The following ZC4H2 variants were observed in gnomAD, a reference collection of about 807,000 sequenced individuals.
ZC4H2 encodes the protein zinc finger C4H2 domain-containing protein.
For synonymous variants in ZC4H2, 84 were observed against 66.3 expected, an observed-to-expected ratio of 1.27 and a Z score of -1.30; for missense variants, 137 against 173.9, an observed-to-expected ratio of 0.79 and a Z score of 1.19.
intron 1 of ZC4H2, among the ~76,000 whole-genome samples, chrX:64,994,029 TA>T (rs1227339159): frequency 8.9e-6 from 1 of 112,209 alleles, no homozygotes; most frequent in Admixed American, 9.4e-5. Flanking sequence ...AAAAGGTCTA[TA>T]TCAGAATTTT....
At chrX:64,939,357 T>C (rs762958532) in intron 1 of ZC4H2, among the ~76,000 whole-genome samples, 1 of 111,912 alleles carries the variant, frequency 8.9e-6, no homozygotes, top group South Asian at 3.7e-4. Flanking sequence ...AAAATTGCCA[T>C]ACTGCCCAAA....
intron 1 of ZC4H2, among the ~76,000 whole-genome samples, chrX:64,923,562 G>A (rs756356258): frequency 2.7e-5 from 3 of 110,414 alleles, no homozygotes; most frequent in Non-Finnish European, 5.7e-5. Flanking sequence ...CATTGCCTGT[G>A]CCTCTTGCCT....
At chrX:64,975,740 C>G (rs1298702015) in intron 1 of ZC4H2, among the ~76,000 whole-genome samples, 6 of 111,459 alleles carry the variant, frequency 5.4e-5, no homozygotes, top group African/African-American at 2.0e-4. Context: ...GACCGCGTCC[C>G]CAGTCCCCAT....
chrX:64,984,610 C>G (rs1932143945), intron 1 of ZC4H2, among the ~76,000 whole-genome samples: 2 of 111,197 alleles, frequency 1.8e-5, no homozygotes, highest in African/African-American at 6.6e-5. Flanking sequence ...CCTCAGACAC[C>G]AATCTTAGGT....
intron 1 of ZC4H2, among the ~76,000 whole-genome samples, chrX:65,032,734 T>TTCCTTCC (rs1932948875): frequency 4.6e-5 from 4 of 86,789 alleles, no homozygotes; most frequent in African/African-American, 1.8e-4. Context: ...TTCTTCTTTC[T>TTCCTTCC]TTCCTTCCTT....
chrX:64,935,793 C>T (rs1391813398), intron 1 of ZC4H2, among the ~76,000 whole-genome samples: 1 of 111,228 alleles, frequency 9.0e-6, no homozygotes, highest in Non-Finnish European at 1.9e-5. Context: ...TCAGAGACCC[C>T]ATTCTAAGGT....
chrX:64,945,687 C>G (rs1930495314), intron 1 of ZC4H2, among the ~76,000 whole-genome samples: 1 of 111,561 alleles, frequency 9.0e-6, no homozygotes, highest in South Asian at 3.8e-4. Context: ...CCACAGCCAC[C>G]CCTTCTCCCA....
chrX:64,977,758 C>T (rs1931992223), upstream of ZC4H2, among the ~76,000 whole-genome samples: 1 of 111,882 alleles, frequency 8.9e-6, no homozygotes, highest in Non-Finnish European at 1.9e-5. Flanking sequence ...GCCTCAGCCT[C>T]CCAAAAGTGC....
chrX:64,929,094 T>C (rs1429164832), intron 1 of ZC4H2, among the ~76,000 whole-genome samples: 1 of 110,619 alleles, frequency 9.0e-6, no homozygotes, highest in African/African-American at 3.3e-5. Context: ...GATTTCGCCA[T>C]ACTGGCCAGG....
intron 1 of ZC4H2, among the ~76,000 whole-genome samples, chrX:64,949,628 G>T (rs1252752916): frequency 9.0e-6 from 1 of 111,579 alleles, no homozygotes; most frequent in Non-Finnish European, 1.9e-5. Context: ...TTTAGTGAAT[G>T]ATATTAATAT....
chrX:64,959,689 G>T (rs749374153), intron 1 of ZC4H2, among the ~76,000 whole-genome samples: 17 of 109,024 alleles, frequency 1.6e-4, no homozygotes, highest in African/African-American at 5.7e-4. Flanking sequence ...GACAGTACAT[G>T]TTGGCAACCA....
At chrX:65,018,398 G>A (rs1932811536) in intron 1 of ZC4H2, among the ~76,000 whole-genome samples, 1 of 112,114 alleles carries the variant, frequency 8.9e-6, no homozygotes, top group African/African-American at 3.2e-5. Context: ...AGCAGAGTGG[G>A]GTGTTGCCTC....
chrX:64,957,491 A>G (rs1318924858), intron 1 of ZC4H2, among the ~76,000 whole-genome samples: 1 of 112,108 alleles, frequency 8.9e-6, no homozygotes, highest in African/African-American at 3.2e-5. Context: ...ATTTCTTTAT[A>G]TCCTTATTTC....
At position 64,986,806 on chromosome X, in the gene ZC4H2, G is replaced by A. The variant is rs139659780; in HGVS notation, c.-272+47823C>T. On this transcript the variant is annotated intron_variant, in intron 1 of 4. Coordinates refer to the ZC4H2 transcript ENST00000337990. The stretch of plus-strand genomic sequence containing the variant: ...TTGGGGCATAAAGAACAAGGCAGGA[G>A]CCTAATGATAAAGACTGGGACAAAA... Among the ~76,000 whole-genome samples, 604 of 111,094 alleles carry A rather than the reference G, an allele frequency of 5.4e-3. 3 individuals carry two copies. The highest frequency in any genetic ancestry group is 7.9e-3 in the Non-Finnish European group (417 of 53,061).
chrX:64,923,339 A>G (rs1228054421), intron 1 of ZC4H2, among the ~76,000 whole-genome samples: 1 of 111,395 alleles, frequency 9.0e-6, no homozygotes, highest in Admixed American at 9.6e-5. Context: ...GGTACCCTCT[A>G]AGGCATGTTG....
At chrX:64,960,891 TGTTCTGTGTACA>T (rs916534478) in intron 1 of ZC4H2, among the ~76,000 whole-genome samples, 8 of 111,972 alleles carry the variant, frequency 7.1e-5, no homozygotes, top group Non-Finnish European at 1.1e-4. Flanking sequence ...TCCTGGAGAA[TGTTCTGTGTACA>T]GTTAGGAAGA....
chrX:64,946,685 G>C (rs1480828556), intron 1 of ZC4H2, among the ~76,000 whole-genome samples: 1 of 110,418 alleles, frequency 9.1e-6, no homozygotes, highest in East Asian at 2.8e-4. Context: ...TATATGTTTG[G>C]ATAGATAAAT....
At chrX:65,025,175 G>C (rs1932868300) in intron 1 of ZC4H2, among the ~76,000 whole-genome samples, 1 of 93,468 alleles carries the variant, frequency 1.1e-5, no homozygotes, top group African/African-American at 4.2e-5. Flanking sequence ...TTGAGTCACG[G>C]TCTCGCTCTG....
At chrX:65,001,990 G>A (rs922360697) in intron 1 of ZC4H2, among the ~76,000 whole-genome samples, 1 of 111,159 alleles carries the variant, frequency 9.0e-6, no homozygotes, top group Non-Finnish European at 1.9e-5. Context: ...CACAATAATA[G>A]TGGGAGACTT....
Sources: allele counts gnomAD v4.1 joint callset (sites outside exome capture counted in the v4.1 genomes callset), GRCh38; gene constraint gnomAD v4.1.1; transcripts MANE v1.5; gene names NCBI Gene and HGNC (gene_info 2026-07-23, HGNC 2026-07-21).